Variants in RBFOX1 observed in about 807,000 individuals in gnomAD.
The protein encoded by RBFOX1 is RNA binding protein fox-1 homolog 1.
RBFOX1 carries 8 observed loss-of-function variants against 57.7 expected under a neutral mutation model. The ratio of observed to expected loss-of-function variants is 0.14; its 90% CI spans 0.08 to 0.25. RBFOX1 has a LOEUF of 0.25. Ranked by LOEUF, RBFOX1 falls within the 10% of genes least tolerant of loss-of-function variation. The pLI is 1.00. For missense variants in RBFOX1, 611 were observed against 548.5 expected (o/e 1.11, Z -1.14); for synonymous variants, 326 against 222.4 (o/e 1.47, Z -4.15).
Position 6,562,629 on chromosome 16 carries a change from T to C in RBFOX1, c.-63-91974T>C, listed in dbSNP as rs559016865. ...TTTCTAAACATCTTGCATGTACTAA[T>C]AAATACTTTTAGTTGACAAATGAGA... On this transcript the variant is annotated intron_variant, in intron 2 of 15. Coordinates refer to ENST00000550418, the MANE Select transcript of RBFOX1 (RefSeq NM_018723.4). 2.6e-5 allele frequency among the ~76,000 whole-genome samples: 4 copies of C among 152,336 alleles called. No homozygotes were observed. The South Asian group carries it at 8.3e-4, about 32-fold the overall frequency.
At chr16:6,882,682 T>C (rs1363939209) in intron 3 of RBFOX1, among the ~76,000 whole-genome samples, 1 of 152,146 alleles carries the variant, frequency 6.6e-6, no homozygotes, top group African/African-American at 2.4e-5. Flanking sequence ...ATTGGCTGTA[T>C]GGATAACAAC....
In RBFOX1 at chr16:6,247,152, T is replaced by C. The variant is rs944386751; in HGVS notation, c.-126-69843T>C. 2.0e-5 allele frequency among the ~76,000 whole-genome samples: 3 copies of C among 152,348 alleles called. No homozygotes were observed. In the South Asian group the frequency reaches 6.2e-4, roughly 32 times the overall value. On this transcript the variant is annotated intron_variant, in intron 1 of 15. Transcript: ENST00000550418. ...ATCAAGGTTTAGATCAGAAATGATA[T>C]AGCTACTATAACAATTAAATTCAGT...
chr16:6,064,983 C>T (rs1054993335), intron 1 of RBFOX1, among the ~76,000 whole-genome samples: 2 of 151,812 alleles, frequency 1.3e-5, no homozygotes, highest in Non-Finnish European at 2.9e-5. Context: ...AAAAAACCTC[C>T]CTACGTGACT....
intron 3 of RBFOX1, among the ~76,000 whole-genome samples, chr16:7,042,427 T>C (rs899310): frequency 0.82 from 124,423 of 152,158 alleles, 51,479 homozygotes; most frequent in East Asian, 0.94. Context: ...TTTACGGTTT[T>C]AGGAATTCAC....
intron 1 of RBFOX1, among the ~76,000 whole-genome samples, chr16:6,142,189 CAAAA>C (rs71142685): frequency 2.3e-3 from 115 of 49,090 alleles, no homozygotes; most frequent in African/African-American, 8.7e-3. Context: ...GCTGCTGCTG[CAAAA>C]AAAAAAAAAA....
chr16:6,782,834 G>A (rs2081258133), intron 3 of RBFOX1, among the ~76,000 whole-genome samples: 1 of 152,094 alleles, frequency 6.6e-6, no homozygotes, highest in African/African-American at 2.4e-5. Context: ...TGTTAACTTA[G>A]CATTCCCAAC....
intron 1 of RBFOX1, among the ~76,000 whole-genome samples, chr16:5,346,278 A>T (rs949269442): frequency 6.6e-6 from 1 of 152,202 alleles, no homozygotes; most frequent in Non-Finnish European, 1.5e-5. Flanking sequence ...AGTCTTATAG[A>T]GCTGTGGTGA....
At position 7,146,082 on chromosome 16, in the gene RBFOX1, A is replaced by G. The variant is rs576064954; in HGVS notation, c.27+93984A>G. ...CTTTTGACTGTTCCAAATGGGGGCA[A>G]GAATGAATTTTAAAATGAACTTTGC... On this transcript the variant is annotated intron_variant, in intron 4 of 15. Coordinates refer to ENST00000550418, the MANE Select transcript of RBFOX1 (RefSeq NM_018723.4). Among the ~76,000 whole-genome samples the G allele has an allele frequency of 3.3e-4, 50 of 152,328 alleles. 1 individual carries two copies. The highest frequency in any genetic ancestry group is 9.1e-4 in the African/African-American group (38 of 41,580).
At chr16:5,492,142 A>T (rs1389647872) in intron 2 of RBFOX1, among the ~76,000 whole-genome samples, 1 of 152,170 alleles carries the variant, frequency 6.6e-6, no homozygotes, top group Non-Finnish European at 1.5e-5. Context: ...TGTTTCAGCA[A>T]GCCCTCCAGG....
chr16:7,203,909 G>T (rs1316686212), intron 4 of RBFOX1, among the ~76,000 whole-genome samples: 1 of 152,198 alleles, frequency 6.6e-6, no homozygotes, highest in Non-Finnish European at 1.5e-5. Context: ...TAGTCAAGAA[G>T]GACAGGTGCA....
At chr16:7,646,542 G>A (rs2063775056) in intron 11 of RBFOX1, among the ~76,000 whole-genome samples, 1 of 152,228 alleles carries the variant, frequency 6.6e-6, no homozygotes, top group Admixed American at 6.5e-5. Flanking sequence ...GAGAGGAGGA[G>A]CAGGACAAAG....
chr16:6,835,545 A>G (rs914560381), intron 3 of RBFOX1, among the ~76,000 whole-genome samples: 1 of 151,866 alleles, frequency 6.6e-6, no homozygotes, highest in Non-Finnish European at 1.5e-5. Flanking sequence ...TGAGGCCAGG[A>G]GTTTGAGACC....
intron 2 of RBFOX1, among the ~76,000 whole-genome samples, chr16:6,558,577 A>G (rs987265428): frequency 6.6e-6 from 1 of 152,116 alleles, no homozygotes; most frequent in Non-Finnish European, 1.5e-5. Context: ...AAATTGACAC[A>G]TGGGGCTTTT....
chr16:5,624,223 C>G (rs1209989714), intron 3 of RBFOX1, among the ~76,000 whole-genome samples: 1 of 152,188 alleles, frequency 6.6e-6, no homozygotes, highest in African/African-American at 2.4e-5. Flanking sequence ...GAGACGGAGT[C>G]TCGCTCTGTC....
At chr16:7,179,894 C>G (rs916244724) in intron 4 of RBFOX1, among the ~76,000 whole-genome samples, 2 of 151,580 alleles carry the variant, frequency 1.3e-5, no homozygotes, top group African/African-American at 4.9e-5. Context: ...GCCACCACGT[C>G]CAGCTAATTT....
intron 4 of RBFOX1, among the ~76,000 whole-genome samples, chr16:7,417,017 T>C (rs1051134332): frequency 6.6e-6 from 1 of 152,064 alleles, no homozygotes; most frequent in Non-Finnish European, 1.5e-5. Flanking sequence ...AACTTACACT[T>C]TGCCTAAATT....
chr16:7,328,599 A>G (rs1167304222), intron 4 of RBFOX1: 2 of 151,780 alleles, frequency 1.3e-5, no homozygotes, highest in Non-Finnish European at 2.9e-5. Flanking sequence ...AGGAAATGTC[A>G]TCATGGAAGG....
chr16:5,501,019 GA>G (rs1355217195), intron 2 of RBFOX1, among the ~76,000 whole-genome samples: 2 of 152,034 alleles, frequency 1.3e-5, no homozygotes, highest in Non-Finnish European at 2.9e-5. Context: ...CCATGAGCCT[GA>G]AAAAAGAAAA....
intron 3 of RBFOX1, among the ~76,000 whole-genome samples, chr16:5,773,452 A>G (rs931521960): frequency 3.9e-5 from 6 of 152,196 alleles, no homozygotes; most frequent in African/African-American, 1.2e-4. Context: ...CTTGTTCAAC[A>G]TGTTTCATAT....
Sources: allele counts gnomAD v4.1 joint callset (sites outside exome capture counted in the v4.1 genomes callset), GRCh38; gene constraint gnomAD v4.1.1; transcripts MANE v1.5; gene names NCBI Gene and HGNC (gene_info 2026-07-23, HGNC 2026-07-21).